Variants in SIPA1L2 observed in about 807,000 individuals in gnomAD.
SIPA1L2 encodes the protein signal-induced proliferation-associated 1-like protein 2.
In SIPA1L2, 56 loss-of-function variants were observed where a neutral mutation model predicts 163.9. The observed-to-expected ratio is 0.34, with a 90% CI of 0.28 to 0.43. The LOEUF (loss-of-function observed/expected upper bound fraction) is 0.43. Among genes scored for constraint, SIPA1L2 ranks in the 20% least tolerant of loss-of-function variants. The pLI is 1.00. For synonymous variants in SIPA1L2, 877 were observed against 865.7 expected (o/e 1.01, Z -0.23); for missense variants, 1,974 against 2,193.5 (o/e 0.90, Z 2.00).
At chr1:232,463,253 C>T (rs1400689501) in intron 9 of SIPA1L2, among the ~76,000 whole-genome samples, 4 of 152,172 alleles carry the variant, frequency 2.6e-5, no homozygotes, top group Non-Finnish European at 5.9e-5. Context: ...GCAAGACAGA[C>T]CCTTTAGTTC....
chr1:232,510,777 G>T (rs1160264996), intron 3 of SIPA1L2, among the ~76,000 whole-genome samples: 1 of 152,026 alleles, frequency 6.6e-6, no homozygotes, highest in East Asian at 1.9e-4. Flanking sequence ...GTGGTGACCG[G>T]GGTGCACAAA....
intron 2 of SIPA1L2, among the ~76,000 whole-genome samples, chr1:232,548,871 G>A (rs1324083348): frequency 3.3e-5 from 5 of 152,224 alleles, no homozygotes; most frequent in African/African-American, 1.2e-4. Flanking sequence ...CAGGATCCGT[G>A]CAAGGACAAG....
intron 1 of SIPA1L2, among the ~76,000 whole-genome samples, chr1:232,580,641 A>G (rs1388186850): frequency 6.6e-6 from 1 of 152,200 alleles, no homozygotes; most frequent in Non-Finnish European, 1.5e-5. Flanking sequence ...TCACATGGGT[A>G]GCAGCCCTCA....
Position 232,514,910 on chromosome 1 carries a change from T to A in SIPA1L2, c.430A>T (p.Ile144Phe), listed in dbSNP as rs763150268. The change falls in exon 3 of 23, where the codon ATC becomes TTC. Residue 144 changes from isoleucine to phenylalanine, a missense_variant. Ile to Phe is a conservative substitution (Grantham distance 21). This residue lies in a region of SIPA1L2 where 607 missense variants were observed against 624.0 expected (regional missense o/e 0.97). Transcript: ENST00000674635. Reference protein sequence around the residue: ...FVEAKYTIGDIFVHSPQRGLH... With the variant: ...FVEAKYTIGDFFVHSPQRGLH... ...CCTCTTTGGGGGGAATGGACAAAGATGTCTCCGATTGTGTACTTGGCCTCC... is the reference window on the plus strand; with the variant it reads ...CCTCTTTGGGGGGAATGGACAAAGAAGTCTCCGATTGTGTACTTGGCCTCC... 6.2e-7 allele frequency: 1 copy of A among 1,614,170 alleles called. No homozygotes were observed. The highest frequency in any genetic ancestry group is 1.7e-5 in the Admixed American group (1 of 60,022).
chr1:232,623,609 AAAAAC>A (rs554931249), intron 1 of SIPA1L2, among the ~76,000 whole-genome samples: 2 of 152,150 alleles, frequency 1.3e-5, no homozygotes, highest in Non-Finnish European at 2.9e-5. Flanking sequence ...CTCTGTCTCA[AAAAAC>A]AAAACAAAAC....
chr1:232,517,126 C>T (rs1163191406), intron 2 of SIPA1L2, among the ~76,000 whole-genome samples: 5 of 152,150 alleles, frequency 3.3e-5, no homozygotes, highest in Admixed American at 2.0e-4. Flanking sequence ...TATTCTTGTA[C>T]ATAACCAGTC....
At chr1:232,438,183 C>T (rs1214738493) in intron 15 of SIPA1L2, among the ~76,000 whole-genome samples, 1 of 152,166 alleles carries the variant, frequency 6.6e-6, no homozygotes, top group African/African-American at 2.4e-5. Flanking sequence ...TGCTACAGGT[C>T]TGCCTTGAGC....
At chr1:232,439,561 A>C (rs1021207533) in intron 14 of SIPA1L2, 65 bp from the exon 15 acceptor site, 3 of 1,540,602 alleles carry the variant, frequency 1.9e-6, no homozygotes, top group Non-Finnish European at 1.8e-6. Flanking sequence ...TCTCACCCTG[A>C]CTCAGGGAGC....
At chr1:232,419,842 T>C (rs1199359593) in intron 18 of SIPA1L2, among the ~76,000 whole-genome samples, 2 of 152,260 alleles carry the variant, frequency 1.3e-5, no homozygotes, top group Non-Finnish European at 2.9e-5. Context: ...GCAATACTTT[T>C]ATCACTACCC....
chr1:232,611,537 G>C (rs1356041426), intron 1 of SIPA1L2, among the ~76,000 whole-genome samples: 1 of 152,164 alleles, frequency 6.6e-6, no homozygotes, highest in Non-Finnish European at 1.5e-5. Context: ...TGAGGAACTT[G>C]GGAACTGGAG....
intron 15 of SIPA1L2, among the ~76,000 whole-genome samples, chr1:232,435,222 G>GC (rs1437846963): frequency 3.3e-5 from 5 of 152,326 alleles, no homozygotes; most frequent in Admixed American, 1.3e-4. Context: ...TTTTGAAAAT[G>GC]TATAGGTAAT....
intron 19 of SIPA1L2, among the ~76,000 whole-genome samples, chr1:232,414,871 C>G (rs971320634): frequency 1.3e-5 from 2 of 152,198 alleles, no homozygotes; most frequent in Non-Finnish European, 2.9e-5. Context: ...TATCTGCGAG[C>G]TGGACAAAGG....
chr1:232,521,987 A>G (rs34331262), intron 2 of SIPA1L2, among the ~76,000 whole-genome samples: 26,295 of 151,912 alleles, frequency 0.17, 2,455 homozygotes, highest in Middle Eastern at 0.31. Context: ...TCCTCTGCCC[A>G]GCTCAGGGAA....
At chr1:232,453,460 A>G (rs1019869255) in intron 10 of SIPA1L2, among the ~76,000 whole-genome samples, 1 of 152,216 alleles carries the variant, frequency 6.6e-6, no homozygotes, top group South Asian at 2.1e-4. Flanking sequence ...TGGCTGCATC[A>G]CAGAGAATCT....
intron 1 of SIPA1L2, among the ~76,000 whole-genome samples, chr1:232,604,064 T>A (rs1443503779): frequency 6.6e-6 from 1 of 152,002 alleles, no homozygotes; most frequent in Non-Finnish European, 1.5e-5. Flanking sequence ...CCACAGGGAT[T>A]AATTACATCA....
intron 8 of SIPA1L2, among the ~76,000 whole-genome samples, chr1:232,467,751 C>T (rs1031650388): frequency 6.6e-6 from 1 of 152,222 alleles, no homozygotes; most frequent in Admixed American, 6.5e-5. Flanking sequence ...CACTCCAGTG[C>T]ATTACTTCTT....
chr1:232,406,834 T>C lies in SIPA1L2; in HGVS notation c.4763-2656A>G, dbSNP rs532222527. Among the ~76,000 whole-genome samples, 26 of 152,366 alleles carry C rather than the reference T, an allele frequency of 1.7e-4. No individual in the cohort carries two copies. The South Asian group carries it at 5.2e-3, about 30-fold the overall frequency. On this transcript the variant is annotated intron_variant, in intron 19 of 22. Transcript: ENST00000674635. ...ATGGAACATCCAAGTACGAGGCTAG[T>C]TGAAATTAAACCTATTTCCACAAAT...
At chr1:232,507,536 C>G (rs1666783855) in intron 3 of SIPA1L2, among the ~76,000 whole-genome samples, 1 of 152,184 alleles carries the variant, frequency 6.6e-6, no homozygotes, top group Admixed American at 6.5e-5. Flanking sequence ...GACTTAAACT[C>G]TTATAAAGAT....
At chr1:232,438,643 A>G (rs1188575611) in intron 15 of SIPA1L2, among the ~76,000 whole-genome samples, 2 of 152,206 alleles carry the variant, frequency 1.3e-5, no homozygotes, top group African/African-American at 4.8e-5. Flanking sequence ...ACATGATCTC[A>G]GGCCTCCCCT....
Sources: allele counts gnomAD v4.1 joint callset (sites outside exome capture counted in the v4.1 genomes callset), GRCh38; gene constraint gnomAD v4.1.1; regional missense constraint gnomAD v4.1.1; transcripts MANE v1.5; gene names NCBI Gene and HGNC (gene_info 2026-07-23, HGNC 2026-07-21).